Variants in AFG1L observed in about 807,000 individuals in gnomAD.
AFG1L encodes AFG1 like ATPase.
A neutral mutation model predicts 62.2 loss-of-function variants in AFG1L; 53 were observed. The ratio of observed to expected loss-of-function variants is 0.85; its 90% confidence interval spans 0.68 to 1.07. The LOEUF is 1.07. Among genes scored for constraint, AFG1L ranks in the 50% least tolerant of loss-of-function variants. The pLI, the probability that AFG1L is intolerant of heterozygous loss-of-function variation, is 0.00. For synonymous variants in AFG1L, 228 were observed against 210.3 expected, an observed-to-expected ratio of 1.08 and a Z score of -0.73; for missense variants, 555 against 590.5, an observed-to-expected ratio of 0.94 and a Z score of 0.62.
chr6:108,316,510 A>G (rs1471242882), intron 1 of AFG1L, among the ~76,000 whole-genome samples: 2 of 148,520 alleles, frequency 1.3e-5, no homozygotes, highest in Non-Finnish European at 3.0e-5. Flanking sequence ...AAATAATTGT[A>G]TATATTTATG....
intron 6 of AFG1L, among the ~76,000 whole-genome samples, chr6:108,378,564 C>A (rs1780351353): frequency 6.6e-6 from 1 of 152,160 alleles, no homozygotes; most frequent in Non-Finnish European, 1.5e-5. Context: ...GGTGATCTGG[C>A]CACCTTGGCC....
chr6:108,329,815 T>C (rs1048614340), intron 2 of AFG1L, among the ~76,000 whole-genome samples: 12 of 152,136 alleles, frequency 7.9e-5, no homozygotes, highest in Admixed American at 7.9e-4. Context: ...TTTATTCTGG[T>C]GCTATGGTTC....
At chr6:108,481,100 T>G (rs1773307169) in intron 10 of AFG1L, among the ~76,000 whole-genome samples, 1 of 152,352 alleles carries the variant, frequency 6.6e-6, no homozygotes, top group East Asian at 1.9e-4. Context: ...CTCATCCCTT[T>G]GCCCATTAAT....
At chr6:108,471,882 C>T (rs1772912737) in intron 8 of AFG1L, among the ~76,000 whole-genome samples, 1 of 152,124 alleles carries the variant, frequency 6.6e-6, no homozygotes, top group Non-Finnish European at 1.5e-5. Context: ...CCAAGTTCCT[C>T]TGGAGTCATT....
chr6:108,310,632 T>TG (rs1777368213), intron 1 of AFG1L, among the ~76,000 whole-genome samples: 1 of 148,632 alleles, frequency 6.7e-6, no homozygotes, highest in Non-Finnish European at 1.5e-5. Context: ...TGGAGTACAG[T>TG]GGGGTGATCT....
intron 6 of AFG1L, among the ~76,000 whole-genome samples, chr6:108,380,169 A>C (rs1466943082): frequency 6.6e-6 from 1 of 151,986 alleles, no homozygotes; most frequent in African/African-American, 2.4e-5. Flanking sequence ...TCTGTTCAGG[A>C]AGGGTGGGGC....
intron 10 of AFG1L, among the ~76,000 whole-genome samples, chr6:108,498,967 C>G (rs1774078195): frequency 6.6e-6 from 1 of 151,696 alleles, no homozygotes. Flanking sequence ...GAGTGAGACT[C>G]TATTTCAAAA....
intron 1 of AFG1L, among the ~76,000 whole-genome samples, chr6:108,322,130 A>G (rs1204754922): frequency 1.3e-5 from 2 of 152,090 alleles, no homozygotes; most frequent in East Asian, 1.9e-4. Flanking sequence ...CTGGTCTCGA[A>G]CTCCTGAGCT....
At chr6:108,321,492 T>C in intron 1 of AFG1L, among the ~76,000 whole-genome samples, 1 of 152,180 alleles carries the variant, frequency 6.6e-6, no homozygotes, top group East Asian at 1.9e-4. Flanking sequence ...TCCTTCTGGC[T>C]ACCAGCCTCA....
intron 1 of AFG1L, among the ~76,000 whole-genome samples, chr6:108,302,378 G>C (rs1777040043): frequency 6.6e-6 from 1 of 152,154 alleles, no homozygotes; most frequent in African/African-American, 2.4e-5. Context: ...TTTGTATAAA[G>C]TGCAGGAAAA....
intron 2 of AFG1L, among the ~76,000 whole-genome samples, chr6:108,345,736 T>C (rs1778839332): frequency 6.6e-6 from 1 of 152,214 alleles, no homozygotes; most frequent in African/African-American, 2.4e-5. Context: ...CTCTGACTTT[T>C]ATGTTGGAAG....
chr6:108,510,100 C>T, intron 10 of AFG1L, 112 bp from the exon 11 acceptor site: 4 of 748,182 alleles, frequency 5.3e-6, no homozygotes, highest in South Asian at 2.0e-5. Context: ...TTACCCACAG[C>T]TACCACCTAG....
At chr6:108,352,386 C>A (rs1203900724) in intron 3 of AFG1L, among the ~76,000 whole-genome samples, 1 of 152,030 alleles carries the variant, frequency 6.6e-6, no homozygotes, top group African/African-American at 2.4e-5. Context: ...TTTCAGGATG[C>A]CCTTGGATAC....
chr6:108,340,489 C>G (rs1778641450), intron 2 of AFG1L, among the ~76,000 whole-genome samples: 1 of 151,928 alleles, frequency 6.6e-6, no homozygotes, highest in African/African-American at 2.4e-5. Flanking sequence ...CAGCCTCTCC[C>G]AAGTAGCTGG....
At chr6:108,494,144 T>C (rs376145384) in intron 10 of AFG1L, among the ~76,000 whole-genome samples, 77 of 152,220 alleles carry the variant, frequency 5.1e-4, no homozygotes, top group Middle Eastern at 3.4e-3. Context: ...TTTGGTTTTC[T>C]GTTTTTATGC....
At chr6:108,515,700 A>G (rs2114910015) in intron 11 of AFG1L, among the ~76,000 whole-genome samples, 1 of 152,336 alleles carries the variant, frequency 6.6e-6, no homozygotes, top group African/African-American at 2.4e-5. Context: ...CAAAAAATCA[A>G]TGAATCCAGG....
At chr6:108,341,695 G>A (rs895254337) in intron 2 of AFG1L, among the ~76,000 whole-genome samples, 1 of 151,954 alleles carries the variant, frequency 6.6e-6, no homozygotes, top group Non-Finnish European at 1.5e-5. Flanking sequence ...GGTTATCACT[G>A]TCTTCCAACA....
At chr6:108,445,048 C>T (rs1307814008) in intron 7 of AFG1L, among the ~76,000 whole-genome samples, 1 of 152,246 alleles carries the variant, frequency 6.6e-6, no homozygotes, top group Admixed American at 6.5e-5. Context: ...TCACCTTCAT[C>T]AATGATCTTA....
At chr6:108,303,237 C>T (rs1777077626) in intron 1 of AFG1L, among the ~76,000 whole-genome samples, 1 of 152,052 alleles carries the variant, frequency 6.6e-6, no homozygotes, top group Admixed American at 6.6e-5. Context: ...ATTAGAGACA[C>T]AGTCTCACTA....
Sources: gnomAD v4.1 joint callset for allele counts (sites outside exome capture counted in the v4.1 genomes callset) on GRCh38, gnomAD v4.1.1 for gene constraint, MANE v1.5 for transcripts, NCBI Gene and HGNC (gene_info 2026-07-23, HGNC 2026-07-21) for gene names.